Variants in ADAMTSL1 observed in about 807,000 individuals in gnomAD.
ADAMTSL1 encodes the protein ADAMTS like 1.
A neutral mutation model predicts 201.8 loss-of-function variants in ADAMTSL1; 126 were observed. The ratio of observed to expected loss-of-function variants is 0.62; its 90% confidence interval spans 0.54 to 0.72. The LOEUF (loss-of-function observed/expected upper bound fraction) is 0.72. Among genes scored for constraint, ADAMTSL1 ranks in the 30% least tolerant of loss-of-function variants. The pLI, the probability that ADAMTSL1 is intolerant of heterozygous loss-of-function variation, is 0.00. For synonymous variants in ADAMTSL1, 1,121 were observed against 903.4 expected, an observed-to-expected ratio of 1.24 and a Z score of -4.32; for missense variants, 2,679 against 2,277.8, an observed-to-expected ratio of 1.18 and a Z score of -3.59.
intron 2 of ADAMTSL1, among the ~76,000 whole-genome samples, chr9:18,327,386 T>C (rs1394383634): frequency 6.6e-6 from 1 of 152,242 alleles, no homozygotes; most frequent in African/African-American, 2.4e-5. Context: ...CCTATGGGCA[T>C]ACTTTCTCTT....
rs577140839 is a variant in ADAMTSL1 at position 18,777,623 on chromosome 9, C to G, written c.3394C>G (p.Leu1132Val). ...GGAGCGCAGGACTTCCCCAGTGACT[C>G]TCTCGCCTCATAAACACGTGTCTGG... is the stretch of plus-strand genomic sequence containing the variant. ...PSERRTSPVT[L>V]SPHKHVSGFS... The change falls in exon 19 of 29, where the codon CTC becomes GTC. Residue 1132 changes from leucine to valine, a missense_variant. By Grantham distance (32) the Leu-to-Val change is conservative (BLOSUM62 1). Transcript: ENST00000380548. 3.2e-5 allele frequency: 51 copies of G among 1,613,578 alleles called. No individual in the cohort carries two copies. In the Admixed American group the frequency reaches 8.0e-4, roughly 25 times the overall value.
chr9:18,205,777 G>C (rs1207737742), intron 2 of ADAMTSL1, among the ~76,000 whole-genome samples: 1 of 152,092 alleles, frequency 6.6e-6, no homozygotes, highest in Non-Finnish European at 1.5e-5. Context: ...CGTACGGCCA[G>C]GCACGGTGGC....
At chr9:18,729,873 T>A (rs1268438252) in intron 15 of ADAMTSL1, among the ~76,000 whole-genome samples, 1 of 152,192 alleles carries the variant, frequency 6.6e-6, no homozygotes, top group African/African-American at 2.4e-5. Context: ...GTACCAGTTA[T>A]CAACCTCATT....
At chr9:18,907,628 C>T (rs1376013239) in intron 28 of ADAMTSL1, 1 of 152,358 alleles carries the variant, frequency 6.6e-6, no homozygotes, top group African/African-American at 2.4e-5. Context: ...CTGGGCCTCA[C>T]TGAGCAATAA....
chr9:18,138,941 T>TG, intron 1 of ADAMTSL1, among the ~76,000 whole-genome samples: 1 of 152,266 alleles, frequency 6.6e-6, no homozygotes, highest in East Asian at 1.9e-4. Flanking sequence ...AGTGTGAATA[T>TG]GTGTGTGTAT....
At chr9:17,962,656 G>T (rs1200834001) in intron 1 of ADAMTSL1, among the ~76,000 whole-genome samples, 1 of 152,150 alleles carries the variant, frequency 6.6e-6, no homozygotes, top group African/African-American at 2.4e-5. Flanking sequence ...CTGTTTATAA[G>T]CTTCTTTGTG....
chr9:17,951,511 A>G (rs34560846), intron 1 of ADAMTSL1, among the ~76,000 whole-genome samples: 14,168 of 152,174 alleles, frequency 0.093, 841 homozygotes, highest in South Asian at 0.21. Context: ...AAATTGTATC[A>G]CAGCATGGTT....
intron 1 of ADAMTSL1, among the ~76,000 whole-genome samples, chr9:18,011,031 G>C (rs767641216): frequency 1.3e-4 from 19 of 151,976 alleles, no homozygotes; most frequent in South Asian, 8.3e-4. Flanking sequence ...AGTGAAAATT[G>C]CAGAATTCTT....
Position 18,908,574 on chromosome 9 carries a change from C to A in ADAMTSL1, c.*26C>A, listed in dbSNP as rs1445324282. The A allele has an allele frequency of 4.6e-6, 7 of 1,534,942 alleles. No homozygotes were observed. In the South Asian group the frequency reaches 7.2e-5, roughly 16 times the overall value. On this transcript the variant is annotated 3_prime_UTR_variant, in exon 29 of 29. Coordinates refer to ENST00000380548, the MANE Select transcript of ADAMTSL1 (RefSeq NM_001040272.6). ...AGATAGGGTGTGGGGAAAAACTCTA[C>A]CCTGGCCACACGAAGGACTCACGCA...
At chr9:17,951,990 T>G (rs1247384015) in intron 1 of ADAMTSL1, among the ~76,000 whole-genome samples, 1 of 151,930 alleles carries the variant, frequency 6.6e-6, no homozygotes, top group Non-Finnish European at 1.5e-5. Flanking sequence ...TTGTAGAGAT[T>G]AGGTCTCACT....
chr9:17,914,237 A>C (rs975051467), intron 1 of ADAMTSL1, among the ~76,000 whole-genome samples: 3 of 152,210 alleles, frequency 2.0e-5, no homozygotes, highest in Admixed American at 6.5e-5. Context: ...ATTTTAGACC[A>C]ATATCCTTGA....
intron 2 of ADAMTSL1, among the ~76,000 whole-genome samples, chr9:18,359,690 C>G (rs1836416158): frequency 6.6e-6 from 1 of 152,110 alleles, no homozygotes; most frequent in African/African-American, 2.4e-5. Context: ...TAAGCCTTCA[C>G]CCATTTTGAT....
intron 4 of ADAMTSL1, among the ~76,000 whole-genome samples, chr9:18,597,340 A>G (rs985147883): frequency 1.3e-5 from 2 of 151,944 alleles, no homozygotes; most frequent in East Asian, 3.9e-4. Flanking sequence ...GCTGCCATCT[A>G]CTCCTTATTT....
At chr9:17,969,726 TAGAG>T (rs1250677021) in intron 1 of ADAMTSL1, among the ~76,000 whole-genome samples, 5 of 152,166 alleles carry the variant, frequency 3.3e-5, no homozygotes, top group East Asian at 1.9e-4. Flanking sequence ...AAAGTGTTCT[TAGAG>T]AGGATCTTAA....
At chr9:18,755,218 A>G (rs1052452290) in intron 16 of ADAMTSL1, among the ~76,000 whole-genome samples, 6 of 152,188 alleles carry the variant, frequency 3.9e-5, no homozygotes, top group Non-Finnish European at 7.3e-5. Context: ...TAGTGCATTT[A>G]TACTAAGTTA....
At chr9:18,146,069 C>G (rs1406930206) in intron 1 of ADAMTSL1, among the ~76,000 whole-genome samples, 1 of 152,084 alleles carries the variant, frequency 6.6e-6, no homozygotes, top group African/African-American at 2.4e-5. Context: ...AATCCAAAAA[C>G]TAGTCAATAT....
chr9:18,847,191 G>T lies in ADAMTSL1; in HGVS notation c.4249+17214G>T, dbSNP rs111688434. ...GAGTGTGAGAAAAGCTCTATAGGCTGCACAGGAAATCAAAAGGAACAGGAG... is the reference window on the plus strand; with the variant it reads ...GAGTGTGAGAAAAGCTCTATAGGCTTCACAGGAAATCAAAAGGAACAGGAG... On this transcript the variant is annotated intron_variant, in intron 23 of 28. Coordinates refer to ENST00000380548, the MANE Select transcript of ADAMTSL1 (RefSeq NM_001040272.6). Among the ~76,000 whole-genome samples, 6 of 152,300 alleles carry T rather than the reference G, an allele frequency of 3.9e-5. No individual in the cohort carries two copies. The Middle Eastern group carries it at 0.014, about 345-fold the overall frequency.
At chr9:18,340,009 C>T (rs145298825) in intron 2 of ADAMTSL1, among the ~76,000 whole-genome samples, 9 of 152,246 alleles carry the variant, frequency 5.9e-5, no homozygotes, top group African/African-American at 2.2e-4. Context: ...GTCAGCAGTG[C>T]CCTTCCTGTT....
chr9:18,092,255 AAAGCTAT>A (rs1824055822), intron 1 of ADAMTSL1, among the ~76,000 whole-genome samples: 1 of 152,194 alleles, frequency 6.6e-6, no homozygotes, highest in Non-Finnish European at 1.5e-5. Context: ...CAACATGACA[AAAGCTAT>A]AAGGTACCCA....
Sources: gnomAD v4.1 joint callset for allele counts (sites outside exome capture counted in the v4.1 genomes callset) on GRCh38, gnomAD v4.1.1 for gene constraint, MANE v1.5 for transcripts, NCBI Gene and HGNC (gene_info 2026-07-23, HGNC 2026-07-21) for gene names.